SPMAP2L: variants seen among roughly 807,000 people sequenced by gnomAD.
SPMAP2L encodes the protein sperm microtubule associated protein 2-like.
chr4:56,616,991 G>A, the SPMAP2L span, among the ~76,000 whole-genome samples: 1 of 152,092 alleles, frequency 6.6e-6, no homozygotes, highest in African/African-American at 2.4e-5. Context: ...CTTGTCCACA[G>A]GGGATACCTT....
the SPMAP2L span, among the ~76,000 whole-genome samples, chr4:56,601,372 G>A: frequency 6.6e-6 from 1 of 152,132 alleles, no homozygotes; most frequent in South Asian, 2.1e-4. Flanking sequence ...TAATCCTAGT[G>A]CTTTGGGAGA....
At chr4:56,621,598 T>A in the SPMAP2L span, among the ~76,000 whole-genome samples, 1 of 152,156 alleles carries the variant, frequency 6.6e-6, no homozygotes, top group African/African-American at 2.4e-5. Context: ...TAGGAATAGA[T>A]CTATGAAGTG....
the SPMAP2L span, among the ~76,000 whole-genome samples, chr4:56,622,215 G>T: frequency 6.6e-6 from 1 of 152,250 alleles, no homozygotes; most frequent in African/African-American, 2.4e-5. Flanking sequence ...AGAGACTGCT[G>T]CAGGATAGAT....
the SPMAP2L span, among the ~76,000 whole-genome samples, chr4:56,560,054 G>C: frequency 6.6e-6 from 1 of 152,130 alleles, no homozygotes; most frequent in Non-Finnish European, 1.5e-5. Flanking sequence ...ATCTTATAAT[G>C]CTTTGGTTTA....
At chr4:56,531,055 C>T in the SPMAP2L span, 154 of 1,535,504 alleles carry the variant, frequency 1.0e-4, no homozygotes, top group African/African-American at 1.3e-3. Context: ...CACCCGTGAG[C>T]CCCGCAAGTC....
chr4:56,545,816 G>A, the SPMAP2L span, among the ~76,000 whole-genome samples: 2 of 152,048 alleles, frequency 1.3e-5, no homozygotes, highest in Non-Finnish European at 2.9e-5. Context: ...GTTTGAGACG[G>A]AGTTTCGCTC....
the SPMAP2L span, among the ~76,000 whole-genome samples, chr4:56,604,407 C>T: frequency 6.6e-6 from 1 of 152,042 alleles, no homozygotes; most frequent in Admixed American, 6.6e-5. Flanking sequence ...TGCCTGTAAT[C>T]CTAGCACTTT....
the SPMAP2L span, among the ~76,000 whole-genome samples, chr4:56,609,362 A>G: frequency 6.6e-6 from 1 of 152,178 alleles, no homozygotes; most frequent in African/African-American, 2.4e-5. Flanking sequence ...TTGAAAGCAC[A>G]TAACTTGTTC....
At chr4:56,596,637 C>G in the SPMAP2L span, 5 of 1,508,288 alleles carry the variant, frequency 3.3e-6, no homozygotes, top group African/African-American at 1.4e-5. Flanking sequence ...GTCCTGTAAG[C>G]CATCGCTACC....
chr4:56,589,680 TTTG>T, the SPMAP2L span, among the ~76,000 whole-genome samples: 3 of 152,074 alleles, frequency 2.0e-5, no homozygotes, highest in East Asian at 1.9e-4. Flanking sequence ...TAAGGTTTTT[TTTG>T]TTGTTGTTGT....
the SPMAP2L span, among the ~76,000 whole-genome samples, chr4:56,619,912 T>C: frequency 2.0e-5 from 3 of 152,336 alleles, no homozygotes; most frequent in Non-Finnish European, 2.9e-5. Flanking sequence ...AACTAGCTTA[T>C]ATAGCTCTGA....
chr4:56,595,703 A>G, the SPMAP2L span: 3 of 1,054,428 alleles, frequency 2.8e-6, no homozygotes, highest in East Asian at 2.4e-5. Flanking sequence ...TTTCTGAACA[A>G]AAGAGGGCCT....
the SPMAP2L span, among the ~76,000 whole-genome samples, chr4:56,623,897 G>A: frequency 6.6e-6 from 1 of 152,204 alleles, no homozygotes; most frequent in African/African-American, 2.4e-5. Context: ...GGTACCAGTA[G>A]AGTGGGGCAC....
At chr4:56,592,737 G>A in the SPMAP2L span, among the ~76,000 whole-genome samples, 12 of 152,144 alleles carry the variant, frequency 7.9e-5, no homozygotes, top group African/African-American at 2.9e-4. Context: ...GGGGGATCGG[G>A]GCTGTGCTGG....
chr4:56,625,767 G>T, the SPMAP2L span, among the ~76,000 whole-genome samples: 1 of 152,116 alleles, frequency 6.6e-6, no homozygotes, highest in African/African-American at 2.4e-5. Flanking sequence ...CCCAATTTCA[G>T]TATATCTTTA....
chr4:56,610,164 C>G, the SPMAP2L span, among the ~76,000 whole-genome samples: 27 of 152,122 alleles, frequency 1.8e-4, no homozygotes, highest in Non-Finnish European at 4.4e-5. Flanking sequence ...GCAAAAAGAG[C>G]AAATCTGGAG....
the SPMAP2L span, among the ~76,000 whole-genome samples, chr4:56,556,415 G>GA: frequency 7.9e-5 from 12 of 152,292 alleles, no homozygotes; most frequent in African/African-American, 2.9e-4. Flanking sequence ...GACTGCGAAA[G>GA]AAAATACAAG....
chr4:56,534,844 G>A, the SPMAP2L span, among the ~76,000 whole-genome samples: 48 of 152,238 alleles, frequency 3.2e-4, 1 homozygote, highest in African/African-American at 9.9e-4. Context: ...CAGGAGAATC[G>A]CTTGAACCTG....
At chr4:56,590,032 G>A in the SPMAP2L span, among the ~76,000 whole-genome samples, 22 of 152,138 alleles carry the variant, frequency 1.4e-4, no homozygotes, top group African/African-American at 5.3e-4. Context: ...GATTGCTTTG[G>A]CTAGGACTTC....
Sources: gnomAD v4.1 joint callset for allele counts (sites outside exome capture counted in the v4.1 genomes callset) on GRCh38, gnomAD v4.1.1 for gene constraint, MANE v1.5 for transcripts, NCBI Gene and HGNC (gene_info 2026-07-23, HGNC 2026-07-21) for gene names.